NXPH1: variants seen among roughly 807,000 people sequenced by gnomAD.
NXPH1 encodes neurexophilin 1.
NXPH1 carries 5 observed loss-of-function variants against 23.7 expected under a neutral mutation model. That is an observed-to-expected ratio of 0.21 (90% CI 0.11 to 0.44). NXPH1 has a LOEUF of 0.44. Ranked by LOEUF, NXPH1 falls within the 20% of genes least tolerant of loss-of-function variation. NXPH1 has a pLI of 0.99. For synonymous variants in NXPH1, 144 were observed against 122.2 expected, an observed-to-expected ratio of 1.18 and a Z score of -1.18; for missense variants, 324 against 321.6, an observed-to-expected ratio of 1.01 and a Z score of -0.06.
chr7:8,572,076 T>G (rs1818661047), intron 2 of NXPH1, among the ~76,000 whole-genome samples: 1 of 151,904 alleles, frequency 6.6e-6, no homozygotes, highest in African/African-American at 2.4e-5. Flanking sequence ...GGACACCCAG[T>G]TAAATCTGAA....
chr7:8,714,870 G>A (rs1583243077), intron 2 of NXPH1, among the ~76,000 whole-genome samples: 1 of 152,104 alleles, frequency 6.6e-6, no homozygotes, highest in African/African-American at 2.4e-5. Flanking sequence ...TAGGAAAGAG[G>A]GATCTCTTTT....
At chr7:8,492,696 G>A (rs1173596384) in intron 2 of NXPH1, among the ~76,000 whole-genome samples, 2 of 151,994 alleles carry the variant, frequency 1.3e-5, no homozygotes, top group Non-Finnish European at 2.9e-5. Flanking sequence ...TTGTTGTCAT[G>A]CCTGAGAGTG....
In NXPH1 at chr7:8,544,352, C is replaced by T. The variant is rs115235343; in HGVS notation, c.54+108585C>T. ...CATTGCCAGGAGCACCCTCCTACCA[C>T]GATTGTGTCAATCAGAAAGGTCTTT... On this transcript the variant is annotated intron_variant, in intron 2 of 2. Coordinates refer to ENST00000405863, the MANE Select transcript of NXPH1 (RefSeq NM_152745.3). Among the ~76,000 whole-genome samples the T allele has an allele frequency of 5.7e-3, 863 of 151,658 alleles. 3 individuals are homozygous for T. Among genetic ancestry groups the T allele is most frequent in the African/African-American group, 0.02 (810 of 41,474 alleles).
intron 2 of NXPH1, among the ~76,000 whole-genome samples, chr7:8,643,205 C>A (rs1217185011): frequency 6.6e-6 from 1 of 152,048 alleles, no homozygotes; most frequent in Non-Finnish European, 1.5e-5. Context: ...ATTTCATTCC[C>A]AGCTTTATAT....
At chr7:8,515,990 T>G (rs1177577574) in intron 2 of NXPH1, among the ~76,000 whole-genome samples, 1 of 152,258 alleles carries the variant, frequency 6.6e-6, no homozygotes, top group African/African-American at 2.4e-5. Flanking sequence ...CTGGTGTGCA[T>G]GCACCAACTT....
At chr7:8,536,033 TC>T in intron 2 of NXPH1, among the ~76,000 whole-genome samples, 1 of 151,950 alleles carries the variant, frequency 6.6e-6, no homozygotes, top group Non-Finnish European at 1.5e-5. Context: ...TCTCTTCAAT[TC>T]CCCCTAAACA....
At chr7:8,515,316 T>C (rs1024478) in intron 2 of NXPH1, among the ~76,000 whole-genome samples, 80,411 of 151,822 alleles carry the variant, frequency 0.53, 21,756 homozygotes, top group East Asian at 0.69. Context: ...TTCATCATCA[T>C]CAATTAATAT....
chr7:8,617,213 CTT>C (rs1219227032), intron 2 of NXPH1, among the ~76,000 whole-genome samples: 1 of 152,052 alleles, frequency 6.6e-6, no homozygotes, highest in Non-Finnish European at 1.5e-5. Flanking sequence ...GATTGAGAAA[CTT>C]TGTTTTAGAG....
chr7:8,683,275 T>C (rs1367092082), intron 2 of NXPH1, among the ~76,000 whole-genome samples: 1 of 152,230 alleles, frequency 6.6e-6, no homozygotes, highest in African/African-American at 2.4e-5. Flanking sequence ...AAGCCATTCA[T>C]CAGGGATCCA....
intron 2 of NXPH1, among the ~76,000 whole-genome samples, chr7:8,542,752 C>G (rs760780484): frequency 2.0e-5 from 3 of 151,484 alleles, no homozygotes; most frequent in Non-Finnish European, 3.0e-5. Flanking sequence ...CCTATCAACT[C>G]TCACCTCAGG....
intron 2 of NXPH1, among the ~76,000 whole-genome samples, chr7:8,611,254 C>A (rs1223529245): frequency 6.6e-6 from 1 of 152,114 alleles, no homozygotes; most frequent in Non-Finnish European, 1.5e-5. Context: ...ATTTGATGGG[C>A]TTTTAAAATG....
chr7:8,598,021 G>C (rs1819265388), intron 2 of NXPH1, among the ~76,000 whole-genome samples: 1 of 152,110 alleles, frequency 6.6e-6, no homozygotes, highest in Non-Finnish European at 1.5e-5. Context: ...AAAGCAAATA[G>C]GCTTTGCATG....
intron 2 of NXPH1, among the ~76,000 whole-genome samples, chr7:8,493,097 A>G (rs1404732742): frequency 6.6e-6 from 1 of 151,940 alleles, no homozygotes; most frequent in Non-Finnish European, 1.5e-5. Context: ...CCTCTCGACT[A>G]TCTTTGTGAG....
At chr7:8,525,775 A>G (rs908771532) in intron 2 of NXPH1, among the ~76,000 whole-genome samples, 2 of 152,360 alleles carry the variant, frequency 1.3e-5, no homozygotes, top group South Asian at 4.1e-4. Flanking sequence ...ACAGAAGTCA[A>G]GAACTGAGGT....
intron 2 of NXPH1, among the ~76,000 whole-genome samples, chr7:8,460,497 C>A (rs924224092): frequency 3.9e-5 from 6 of 152,162 alleles, no homozygotes; most frequent in Non-Finnish European, 8.8e-5. Flanking sequence ...ATGGCACTCT[C>A]CTTAGGATTT....
At chr7:8,624,463 CA>C (rs1458177929) in intron 2 of NXPH1, among the ~76,000 whole-genome samples, 7 of 151,748 alleles carry the variant, frequency 4.6e-5, no homozygotes, top group Non-Finnish European at 8.8e-5. Context: ...AAGAAGTGTG[CA>C]AAAGGAAAAC....
intron 2 of NXPH1, among the ~76,000 whole-genome samples, chr7:8,712,319 C>G (rs1779810749): frequency 6.6e-6 from 1 of 152,160 alleles, no homozygotes; most frequent in African/African-American, 2.4e-5. Context: ...CATTAGATAT[C>G]TCATCTAGAT....
intron 2 of NXPH1, among the ~76,000 whole-genome samples, chr7:8,666,692 A>T (rs76013269): frequency 0.031 from 4,769 of 152,148 alleles, 368 homozygotes; most frequent in East Asian, 0.25. Flanking sequence ...TTTATTGCTT[A>T]TGTAATTTCC....
chr7:8,697,460 T>A (rs1562457902), intron 2 of NXPH1, among the ~76,000 whole-genome samples: 1 of 152,112 alleles, frequency 6.6e-6, no homozygotes, highest in Non-Finnish European at 1.5e-5. Context: ...TGGCTGCTAT[T>A]AGTGGTATAT....
Sources: gnomAD v4.1 joint callset for allele counts (sites outside exome capture counted in the v4.1 genomes callset) on GRCh38, gnomAD v4.1.1 for gene constraint, MANE v1.5 for transcripts, NCBI Gene and HGNC (gene_info 2026-07-23, HGNC 2026-07-21) for gene names.